ATP2B2: variants seen among roughly 807,000 people sequenced by gnomAD.
The protein encoded by ATP2B2 is plasma membrane calcium-transporting ATPase 2.
In ATP2B2, 15 loss-of-function variants were observed where a neutral mutation model predicts 120.0. That is an observed-to-expected ratio of 0.12 (90% CI 0.08 to 0.19). ATP2B2 has a LOEUF of 0.19. ATP2B2 is among the 10% of genes least tolerant of loss of function. The pLI, the probability that ATP2B2 is intolerant of heterozygous loss-of-function variation, is 1.00. For missense variants in ATP2B2, 1,045 were observed against 1,719.8 expected, an observed-to-expected ratio of 0.61 and a Z score of 6.94; for synonymous variants, 694 against 700.3, an observed-to-expected ratio of 0.99 and a Z score of 0.14.
intron 1 of ATP2B2, among the ~76,000 whole-genome samples, chr3:10,450,126 A>AC (rs1457280240): frequency 1.3e-5 from 2 of 152,108 alleles, no homozygotes; most frequent in Admixed American, 1.3e-4. Flanking sequence ...CACTGGCTTC[A>AC]CAACACACAC....
At chr3:10,600,044 C>T (rs1200336103) in intron 2 of ATP2B2, among the ~76,000 whole-genome samples, 3 of 151,966 alleles carry the variant, frequency 2.0e-5, no homozygotes, top group African/African-American at 4.8e-5. Context: ...GAACAGTGCA[C>T]CATTTCTGTG....
chr3:10,378,218 G>T, intron 10 of ATP2B2, 34 bp downstream of exon 10: 1 of 1,598,694 alleles, frequency 6.3e-7, no homozygotes, highest in South Asian at 1.1e-5. Context: ...CCCCCTGTGA[G>T]CCCTGTCCCC....
intron 1 of ATP2B2, among the ~76,000 whole-genome samples, chr3:10,461,928 C>G (rs778605683): frequency 5.3e-5 from 8 of 152,256 alleles, no homozygotes; most frequent in African/African-American, 1.9e-4. Context: ...TCAGTCTTCA[C>G]GTCCCTGCCC....
At chr3:10,585,431 T>TTGCAG (rs924021230) in intron 2 of ATP2B2, among the ~76,000 whole-genome samples, 2 of 138,158 alleles carry the variant, frequency 1.4e-5, no homozygotes, top group African/African-American at 5.5e-5. Context: ...GAGGCGGAAC[T>TTGCAG]TGCAGTGAGC....
intron 1 of ATP2B2, among the ~76,000 whole-genome samples, chr3:10,505,079 T>A (rs2066565018): frequency 6.6e-6 from 1 of 152,126 alleles, no homozygotes; most frequent in African/African-American, 2.4e-5. Flanking sequence ...GAGAACCTTG[T>A]CCCCTGCCAC....
chr3:10,665,311 C>T (rs1559511228), intron 1 of ATP2B2, among the ~76,000 whole-genome samples: 1 of 152,314 alleles, frequency 6.6e-6, no homozygotes. Context: ...AGTCTTCCCT[C>T]AGCCTAGCTA....
intron 1 of ATP2B2, among the ~76,000 whole-genome samples, chr3:10,488,850 C>T (rs1335922692): frequency 1.3e-5 from 2 of 152,066 alleles, no homozygotes; most frequent in Non-Finnish European, 2.9e-5. Context: ...AGTCTGTTTT[C>T]CACACACAGT....
intron 8 of ATP2B2, among the ~76,000 whole-genome samples, chr3:10,379,733 A>T (rs1575067586): frequency 6.6e-6 from 1 of 152,226 alleles, no homozygotes; most frequent in Middle Eastern, 3.4e-3. Flanking sequence ...TTTTCCCACA[A>T]AAGAAAACAT....
chr3:10,374,975 G>A (rs563372695), intron 11 of ATP2B2, among the ~76,000 whole-genome samples: 36 of 152,340 alleles, frequency 2.4e-4, no homozygotes, highest in Non-Finnish European at 4.6e-4. Context: ...CGGGGCCTAC[G>A]ACTGAGACCG....
chr3:10,413,677 G>A (rs1387246130), intron 2 of ATP2B2, among the ~76,000 whole-genome samples: 4 of 152,240 alleles, frequency 2.6e-5, no homozygotes, highest in Non-Finnish European at 5.9e-5. Flanking sequence ...GGAACCGCAG[G>A]AAGCTTCCCT....
chr3:10,560,362 G>T (rs1422028052), intron 2 of ATP2B2, among the ~76,000 whole-genome samples: 1 of 152,134 alleles, frequency 6.6e-6, no homozygotes, highest in African/African-American at 2.4e-5. Context: ...TGGGAGGTGC[G>T]GCCAACCTGG....
At chr3:10,512,104 G>T (rs1460930278) in intron 3 of ATP2B2, among the ~76,000 whole-genome samples, 2 of 152,142 alleles carry the variant, frequency 1.3e-5, no homozygotes, top group Non-Finnish European at 2.9e-5. Flanking sequence ...GCCCAGAGAG[G>T]GTGTGTGGCT....
chr3:10,482,645 A>C (rs2065461641), intron 1 of ATP2B2, among the ~76,000 whole-genome samples: 2 of 152,196 alleles, frequency 1.3e-5, no homozygotes, highest in South Asian at 2.1e-4. Flanking sequence ...CCTCTGGCTC[A>C]GGCCCCACCA....
At chr3:10,540,282 T>G (rs1263941570) in intron 2 of ATP2B2, among the ~76,000 whole-genome samples, 2 of 152,228 alleles carry the variant, frequency 1.3e-5, no homozygotes, top group African/African-American at 4.8e-5. Context: ...GACTGTAAAC[T>G]AGTTCAACCA....
chr3:10,385,518 G>A lies in ATP2B2; in HGVS notation c.941-191C>T, dbSNP rs185530495. Among the ~76,000 whole-genome samples, 8 of 152,314 alleles carry A rather than the reference G, an allele frequency of 5.3e-5. No homozygotes were observed. In the East Asian group the frequency reaches 1.4e-3, roughly 26 times the overall value. ...TCCATAGAGATGCCGCAGAGGTTGA[G>A]GGGAGAAACTCAGACATGGAGGGTC... On this transcript the variant is annotated intron_variant, in intron 7 of 22. Coordinates refer to ENST00000360273, the MANE Select transcript of ATP2B2 (RefSeq NM_001001331.4).
At chr3:10,483,741 G>A (rs549367450) in intron 1 of ATP2B2, among the ~76,000 whole-genome samples, 3 of 152,326 alleles carry the variant, frequency 2.0e-5, no homozygotes, top group South Asian at 2.1e-4. Context: ...CATGGTGATG[G>A]AAAAGACCCA....
Position 10,597,760 on chromosome 3 carries a change from G to T in ATP2B2, c.-415+22157C>A, listed in dbSNP as rs115924865. The stretch of plus-strand genomic sequence containing the variant: ...TTGCTGAAAGAAAACAACAATAATA[G>T]TATCTATTGCATATAAGTAAACTCT... On this transcript the variant is annotated intron_variant, in intron 2 of 21. Transcript: ENST00000646379. Among the ~76,000 whole-genome samples, 1,158 of 152,254 alleles carry T rather than the reference G, an allele frequency of 7.6e-3. 5 individuals are homozygous for T. The highest frequency in any genetic ancestry group is 0.012 in the Non-Finnish European group (837 of 68,030).
intron 1 of ATP2B2, among the ~76,000 whole-genome samples, chr3:10,461,463 C>A (rs2064486482): frequency 6.6e-6 from 1 of 152,192 alleles, no homozygotes; most frequent in Non-Finnish European, 1.5e-5. Flanking sequence ...CTTGGGTCTG[C>A]ACCCTCCCTC....
At chr3:10,611,251 C>T (rs1445783338) in intron 2 of ATP2B2, among the ~76,000 whole-genome samples, 2 of 152,180 alleles carry the variant, frequency 1.3e-5, no homozygotes, top group Non-Finnish European at 2.9e-5. Flanking sequence ...ATTACGCTCC[C>T]TGGCAGGGGT....
Sources: gnomAD v4.1 joint callset for allele counts (sites outside exome capture counted in the v4.1 genomes callset) on GRCh38, gnomAD v4.1.1 for gene constraint, MANE v1.5 for transcripts, NCBI Gene and HGNC (gene_info 2026-07-23, HGNC 2026-07-21) for gene names.